Variants in MAP3K7CL observed in about 807,000 individuals in gnomAD.
The protein encoded by MAP3K7CL is MAP3K7 C-terminal like.
In MAP3K7CL, 16 loss-of-function variants were observed where a neutral mutation model predicts 18.6. The observed-to-expected ratio is 0.86, with a 90% CI of 0.58 to 1.31. The LOEUF (loss-of-function observed/expected upper bound fraction) is 1.31, where lower values mean the gene tolerates loss of function less well. Ranked by LOEUF, MAP3K7CL falls within the 50% of genes most tolerant of loss-of-function variation. The pLI is 0.00. For missense variants in MAP3K7CL, 163 were observed against 174.4 expected (o/e 0.93, Z 0.37); for synonymous variants, 65 against 66.8 (o/e 0.97, Z 0.13).
At chr21:29,109,585 T>C (rs1424534149) in intron 4 of MAP3K7CL, 1 of 1,012,144 alleles carries the variant, frequency 9.9e-7, no homozygotes, top group Admixed American at 5.4e-5. Flanking sequence ...AAACTGCACA[T>C]TTAATGTAAA....
intron 4 of MAP3K7CL, among the ~76,000 whole-genome samples, chr21:29,162,541 G>A (rs931146133): frequency 1.3e-5 from 2 of 151,448 alleles, no homozygotes. Context: ...AAATTAGCCT[G>A]GTGTAGTGGT....
chr21:29,112,761 T>C (rs955677292), intron 4 of MAP3K7CL, among the ~76,000 whole-genome samples: 1 of 152,168 alleles, frequency 6.6e-6, no homozygotes, highest in Non-Finnish European at 1.5e-5. Context: ...TCTCCCTCCA[T>C]CAGAATACAT....
At chr21:29,110,302 C>T (rs958764900) in intron 4 of MAP3K7CL, among the ~76,000 whole-genome samples, 1 of 152,154 alleles carries the variant, frequency 6.6e-6, no homozygotes, top group Non-Finnish European at 1.5e-5. Context: ...CTTTGAGGTA[C>T]GTCTACTTTT....
At chr21:29,092,518 T>A in exon 4 of MAP3K7CL, 1 of 1,614,234 alleles carries the variant, frequency 6.2e-7, no homozygotes, top group Non-Finnish European at 8.5e-7. Flanking sequence ...TACTGGCGAT[T>A]GGATGCTCAC....
intron 4 of MAP3K7CL, among the ~76,000 whole-genome samples, chr21:29,102,014 G>A (rs1332653044): frequency 1.3e-5 from 2 of 152,160 alleles, no homozygotes; most frequent in Non-Finnish European, 2.9e-5. Context: ...TGGAGAATGT[G>A]GTGGATGTCA....
intron 4 of MAP3K7CL, among the ~76,000 whole-genome samples, chr21:29,099,172 C>G (rs2086175850): frequency 6.6e-6 from 1 of 151,710 alleles, no homozygotes; most frequent in African/African-American, 2.4e-5. Flanking sequence ...CTCACGGCAG[C>G]TTTGACTTTC....
chr21:29,082,896 T>TATTACTTAA (rs2085859680), upstream of MAP3K7CL, among the ~76,000 whole-genome samples: 1 of 152,010 alleles, frequency 6.6e-6, no homozygotes, highest in Admixed American at 6.6e-5. Flanking sequence ...TAGAAAGCAA[T>TATTACTTAA]ATTACTTAAA....
intron 4 of MAP3K7CL, among the ~76,000 whole-genome samples, chr21:29,117,946 A>G (rs934025044): frequency 2.6e-5 from 4 of 152,016 alleles, no homozygotes; most frequent in African/African-American, 4.8e-5. Context: ...TTGGTTTGTT[A>G]CAAACCAGTT....
At chr21:29,097,415 T>C (rs570497988) in intron 4 of MAP3K7CL, among the ~76,000 whole-genome samples, 3 of 152,280 alleles carry the variant, frequency 2.0e-5, no homozygotes, top group East Asian at 1.9e-4. Context: ...ATAAAAAATA[T>C]TACTATTGTT....
At chr21:29,133,041 T>A (rs181998024) in intron 1 of MAP3K7CL, among the ~76,000 whole-genome samples, 63 of 152,272 alleles carry the variant, frequency 4.1e-4, no homozygotes, top group African/African-American at 1.4e-3. Context: ...ATTGAGCAAG[T>A]AAGGCAGGTA....
chr21:29,109,042 T>A, intron 4 of MAP3K7CL: 1 of 1,531,592 alleles, frequency 6.5e-7, no homozygotes, highest in Non-Finnish European at 8.7e-7. Context: ...CCTACTAGGT[T>A]GACATTCGTA....
At chr21:29,105,900 C>A (rs968374857) in intron 4 of MAP3K7CL, among the ~76,000 whole-genome samples, 1 of 152,140 alleles carries the variant, frequency 6.6e-6, no homozygotes, top group Non-Finnish European at 1.5e-5. Flanking sequence ...AAATTCTACT[C>A]CTTATGAATT....
intron 1 of MAP3K7CL, among the ~76,000 whole-genome samples, chr21:29,090,357 A>G (rs1000201254): frequency 6.6e-6 from 1 of 151,684 alleles, no homozygotes; most frequent in Non-Finnish European, 1.5e-5. Context: ...AGGGAATGCA[A>G]TCTCTATTAG....
intron 2 of MAP3K7CL, among the ~76,000 whole-genome samples, chr21:29,134,542 G>T (rs2086842952): frequency 2.6e-5 from 4 of 152,194 alleles, no homozygotes; most frequent in African/African-American, 9.6e-5. Context: ...GCAGGAAGAG[G>T]TGAAGGCTTG....
rs190226234 is a variant in MAP3K7CL, at chr21:29,144,283, G to A, written c.71-4906G>A. On this transcript the variant is annotated intron_variant, in intron 2 of 4. Transcript: ENST00000399928. The stretch of plus-strand genomic sequence containing the variant: ...GGGTTCAAGCGATTCTTCTGTCTCA[G>A]CCTCCCGAGTAGCAGGGACAACAGG... Among the ~76,000 whole-genome samples, 282 of 152,118 alleles carry A rather than the reference G, an allele frequency of 1.9e-3. 2 individuals are homozygous for A. Among genetic ancestry groups the A allele is most frequent in the Non-Finnish European group, 3.4e-3 (231 of 68,002 alleles).
At chr21:29,149,770 A>G (rs964676212) in intron 3 of MAP3K7CL, among the ~76,000 whole-genome samples, 11 of 152,220 alleles carry the variant, frequency 7.2e-5, no homozygotes, top group Admixed American at 5.2e-4. Flanking sequence ...ATTATTTTGT[A>G]TATGTAGTTT....
chr21:29,141,754 C>A (rs1433235983), intron 2 of MAP3K7CL, among the ~76,000 whole-genome samples: 1 of 152,054 alleles, frequency 6.6e-6, no homozygotes, highest in Non-Finnish European at 1.5e-5. Flanking sequence ...TACTTGTAAT[C>A]TTATGGGCCC....
intron 2 of MAP3K7CL, among the ~76,000 whole-genome samples, chr21:29,138,573 G>A (rs1210845285): frequency 6.6e-6 from 1 of 152,146 alleles, no homozygotes; most frequent in African/African-American, 2.4e-5. Context: ...TTAGACCTTG[G>A]CTTTGGAATT....
intron 4 of MAP3K7CL, among the ~76,000 whole-genome samples, chr21:29,164,631 G>A (rs2087639978): frequency 6.6e-6 from 1 of 152,184 alleles, no homozygotes; most frequent in African/African-American, 2.4e-5. Flanking sequence ...CTGTTGGATG[G>A]AGAAAGAGAG....
Sources: gnomAD v4.1 joint callset for allele counts (sites outside exome capture counted in the v4.1 genomes callset) on GRCh38, gnomAD v4.1.1 for gene constraint, MANE v1.5 for transcripts, NCBI Gene and HGNC (gene_info 2026-07-23, HGNC 2026-07-21) for gene names.